Variants in DNM1L observed in about 807,000 individuals in gnomAD.
DNM1L encodes dynamin 1L.
Under a neutral mutation model 92.8 loss-of-function variants are expected in DNM1L, and 33 were observed. The ratio of observed to expected loss-of-function variants is 0.36; its 90% CI spans 0.27 to 0.48. The LOEUF is 0.48. Ranked by LOEUF, DNM1L falls within the 20% of genes least tolerant of loss-of-function variation. The pLI, the probability that DNM1L is intolerant of heterozygous loss-of-function variation, is 0.99. For synonymous variants in DNM1L, 284 were observed against 305.0 expected, an observed-to-expected ratio of 0.93 and a Z score of 0.72; for missense variants, 485 against 888.8, an observed-to-expected ratio of 0.55 and a Z score of 5.78.
At position 32,713,267 on chromosome 12, in the gene DNM1L, G is replaced by C. The variant is rs764915133; in HGVS notation, c.515G>C (p.Arg172Pro). 5 of 1,613,692 alleles carry C rather than the reference G, an allele frequency of 3.1e-6. No homozygotes were observed. Among genetic ancestry groups the C allele is most frequent in the African/African-American group, 1.3e-5 (1 of 74,850 alleles). ...IELQIRELIL[R>P]FISNPNSIIL... Reference sequence around the variant, plus strand: ...CTTCAAATCAGAGAGCTCATTCTTCGGTTCATCAGTAATCCTAATTCCATT... The same window carrying C: ...CTTCAAATCAGAGAGCTCATTCTTCCGTTCATCAGTAATCCTAATTCCATT... The change falls in exon 6 of 20, where the codon CGG becomes CCG. Residue 172 changes from arginine to proline, a missense_variant. Coordinates refer to ENST00000549701, the MANE Select transcript of DNM1L (RefSeq NM_012062.5).
Position 32,740,248 on chromosome 12 carries a change from A to G in DNM1L, c.1884+8A>G, listed in dbSNP as rs1246475918. ...GTGAACCTGCTAGATGTGGTAAGCC[A>G]TGACAATTTGGTTTAGGTAATAAGG... On this transcript the variant is annotated splice_region_variant and intron_variant, in intron 17 of 19. Coordinates refer to ENST00000549701, the MANE Select transcript of DNM1L (RefSeq NM_012062.5). The G allele has an allele frequency of 1.2e-6, 2 of 1,614,214 alleles. No individual in the cohort carries two copies. Among genetic ancestry groups the G allele is most frequent in the Admixed American group, 1.7e-5 (1 of 60,032 alleles).
At chr12:32,697,224 C>G (rs1320374249) in intron 1 of DNM1L, among the ~76,000 whole-genome samples, 1 of 151,658 alleles carries the variant, frequency 6.6e-6, no homozygotes, top group Non-Finnish European at 1.5e-5. Context: ...GCGAGACTCT[C>G]TAAAAAAATA....
At chr12:32,702,597 A>G (rs1326186535) in intron 2 of DNM1L, among the ~76,000 whole-genome samples, 1 of 152,032 alleles carries the variant, frequency 6.6e-6, no homozygotes, top group African/African-American at 2.4e-5. Flanking sequence ...TTAAGATGGG[A>G]TGATAGTTTT....
intron 1 of DNM1L, among the ~76,000 whole-genome samples, chr12:32,700,454 A>G (rs895370760): frequency 6.6e-6 from 1 of 150,998 alleles, no homozygotes; most frequent in Non-Finnish European, 1.5e-5. Flanking sequence ...CATTAAAAAT[A>G]AAAGCAGGTT....
intron 7 of DNM1L, among the ~76,000 whole-genome samples, chr12:32,719,489 A>G (rs1439069458): frequency 6.6e-6 from 1 of 152,212 alleles, no homozygotes; most frequent in African/African-American, 2.4e-5. Flanking sequence ...AATTGCCAGG[A>G]TGTGACTTGG....
chr12:32,737,439 A>G (rs1954969539), intron 14 of DNM1L: 1 of 442,748 alleles, frequency 2.3e-6, no homozygotes, highest in South Asian at 2.6e-5. Flanking sequence ...CAGTGACTTT[A>G]TCAACTTTGC....
At chr12:32,702,206 C>G (rs1952733346) in intron 2 of DNM1L, among the ~76,000 whole-genome samples, 1 of 141,500 alleles carries the variant, frequency 7.1e-6, no homozygotes, top group South Asian at 2.2e-4. Context: ...TGCACTCCAG[C>G]CTAGGCGACA....
chr12:32,697,135 A>G (rs999045160), intron 1 of DNM1L, among the ~76,000 whole-genome samples: 9 of 151,878 alleles, frequency 5.9e-5, no homozygotes, highest in Admixed American at 5.2e-4. Context: ...AGGCTGAGGC[A>G]AGAGAGTCGC....
chr12:32,706,629 C>T, intron 2 of DNM1L: 1 of 452,256 alleles, frequency 2.2e-6, no homozygotes, highest in Admixed American at 2.4e-5. Flanking sequence ...ACTCCTTACG[C>T]TGCATATACC....
intron 9 of DNM1L, chr12:32,727,387 CAA>C: frequency 2.6e-6 from 2 of 772,916 alleles, no homozygotes. Flanking sequence ...GTAAGAACTC[CAA>C]ATATCAGTGG....
chr12:32,719,589 G>A (rs1953711770), intron 7 of DNM1L, among the ~76,000 whole-genome samples: 1 of 152,006 alleles, frequency 6.6e-6, no homozygotes, highest in Non-Finnish European at 1.5e-5. Context: ...AATTAAAGGT[G>A]ACAAGATTTT....
At chr12:32,686,932 TTTTTC>T (rs577762216) in intron 1 of DNM1L, among the ~76,000 whole-genome samples, 13,805 of 129,456 alleles carry the variant, frequency 0.11, 577 homozygotes, top group African/African-American at 0.15. Flanking sequence ...AGAGTTCTTT[TTTTTC>T]TTTTTTTTTT....
At chr12:32,708,296 T>G (rs1201851078) in intron 4 of DNM1L, 72 bp downstream of exon 4, 1 of 980,416 alleles carries the variant, frequency 1.0e-6, no homozygotes, top group Non-Finnish European at 1.6e-6. Flanking sequence ...GTACATAATA[T>G]GTGAAGGGCA....
At chr12:32,717,747 G>A (rs1953540017) in intron 6 of DNM1L, among the ~76,000 whole-genome samples, 1 of 109,348 alleles carries the variant, frequency 9.1e-6, no homozygotes, top group African/African-American at 3.6e-5. Context: ...ATATACCTAG[G>A]TAGATATATA....
intron 16 of DNM1L, 61 bp downstream of exon 16, chr12:32,738,357 TATACCACCATTA>T: frequency 6.4e-7 from 1 of 1,566,278 alleles, no homozygotes; most frequent in Non-Finnish European, 8.8e-7. Context: ...AAACACTGTC[TATACCACCATTA>T]AAGAACCTGT....
rs200201471 is a variant in DNM1L at position 32,737,874 on chromosome 12, G to A, written c.1606G>A (p.Val536Ile). 3 of 1,613,708 alleles carry A rather than the reference G, an allele frequency of 1.9e-6. No homozygotes were observed. Among genetic ancestry groups the A allele is most frequent in the Non-Finnish European group, 2.5e-6 (3 of 1,179,918 alleles). The change falls in exon 15 of 20, where the codon GTT becomes ATT. Residue 536 changes from valine to isoleucine, a missense_variant. By Grantham distance (29) the Val-to-Ile change is conservative. Around this residue, in one of 11 missense-constraint regions of DNM1L, gnomAD observed 65 missense variants for 59.4 expected, o/e 1.09. Transcript: ENST00000549701. ...GATTTTTTGCCTTTAGTCTTCTAAAGTTCCAAGTGCTTTGGCACCTGCCTC... is the reference window on the plus strand; with the variant it reads ...GATTTTTTGCCTTTAGTCTTCTAAAATTCCAAGTGCTTTGGCACCTGCCTC... ...SAVSRDKSSK[V>I]PSALAPASQE...
Position 32,745,087 on chromosome 12 carries a change from A to G in DNM1L, c.*1677A>G, listed in dbSNP as rs950363690. 4 of 481,718 alleles carry G rather than the reference A, an allele frequency of 8.3e-6. No homozygotes were observed. The highest frequency in any genetic ancestry group is 8.0e-5 in the African/African-American group (4 of 50,296). The allele number at this position is 481,718 out of a possible 1,614,324, so 29.8% of individuals were successfully genotyped here. On this transcript the variant is annotated 3_prime_UTR_variant, in exon 20 of 20. Coordinates refer to ENST00000549701, the MANE Select transcript of DNM1L (RefSeq NM_012062.5). ...TGATGTCAAACATAAAAACCCCCAC[A>G]TCAGTCTGATACGATATGGTACTAC...
intron 16 of DNM1L, 98 bp from the exon 17 acceptor site, chr12:32,739,966 T>C: frequency 6.8e-7 from 1 of 1,478,688 alleles, no homozygotes; most frequent in Non-Finnish European, 9.3e-7. Context: ...TTCAGATGGG[T>C]ACTGGATGTA....
chr12:32,699,068 A>G (rs1173728193), intron 1 of DNM1L, among the ~76,000 whole-genome samples: 1 of 152,114 alleles, frequency 6.6e-6, no homozygotes, highest in Non-Finnish European at 1.5e-5. Flanking sequence ...GTGGTTCTAT[A>G]GAAGAACGGC....
Sources: allele counts gnomAD v4.1 joint callset (sites outside exome capture counted in the v4.1 genomes callset), GRCh38; gene constraint gnomAD v4.1.1; regional missense constraint gnomAD v4.1.1; transcripts MANE v1.5; gene names NCBI Gene and HGNC (gene_info 2026-07-23, HGNC 2026-07-21).